IL1R2: variants seen among roughly 807,000 people sequenced by gnomAD.
IL1R2 encodes the protein interleukin 1 receptor type 2.
A neutral mutation model predicts 39.5 loss-of-function variants in IL1R2; 46 were observed. The observed-to-expected ratio is 1.16, with a 90% CI of 0.92 to 1.49. The LOEUF is 1.49. Among genes scored for constraint, IL1R2 ranks in the 40% most tolerant of loss-of-function variants. The pLI, the probability that IL1R2 is intolerant of heterozygous loss-of-function variation, is 0.00. For synonymous variants in IL1R2, 207 were observed against 189.6 expected, an observed-to-expected ratio of 1.09 and a Z score of -0.75; for missense variants, 537 against 502.0, an observed-to-expected ratio of 1.07 and a Z score of -0.67.
At chr2:102,013,732 C>T (rs1676813329) in intron 3 of IL1R2, among the ~76,000 whole-genome samples, 1 of 152,008 alleles carries the variant, frequency 6.6e-6, no homozygotes. Flanking sequence ...CAGTTAGGGA[C>T]TTAGGCTGAA....
At chr2:102,019,022 T>C (rs528444544) in intron 4 of IL1R2, among the ~76,000 whole-genome samples, 1 of 152,346 alleles carries the variant, frequency 6.6e-6, no homozygotes, top group African/African-American at 2.4e-5. Context: ...GAACATTGTG[T>C]GCTCATTAGG....
In IL1R2 at chr2:102,016,117, G is replaced by A; in HGVS notation, c.513+66G>A. On this transcript the variant is annotated intron_variant, in intron 4 of 8. Coordinates refer to ENST00000332549, the MANE Select transcript of IL1R2 (RefSeq NM_004633.4). ...CTTTTTTTACTAGCCATAAAAGAAA[G>A]ACTTAAAATATCGATTTTCTGAAGA... 3 of 1,295,270 alleles carry A rather than the reference G, an allele frequency of 2.3e-6. No individual in the cohort carries two copies. In the South Asian group the frequency reaches 3.9e-5, roughly 17 times the overall value. The allele number at this position is 1,295,270 out of a possible 1,614,324, so 80.2% of individuals were successfully genotyped here. A position where few individuals can be genotyped will look rare whatever the true frequency, so the allele number is the denominator to read the frequency against.
In IL1R2 at chr2:102,024,549, C is replaced by T. The variant is rs1340192771; in HGVS notation, c.768C>T (p.Ile256=). Residue 256 remains isoleucine (I), a synonymous_variant, in exon 7 of 9, where the codon ATC becomes ATT. Coordinates refer to ENST00000332549, the MANE Select transcript of IL1R2 (RefSeq NM_004633.4). ...ISASLGSRLT[I]PCKVFLGTGT... ...CATCCACAGGGTCAAGACTGACAATCCCGTGTAAGGTGTTTCTGGGAACCG... is the reference window on the plus strand; with the variant it reads ...CATCCACAGGGTCAAGACTGACAATTCCGTGTAAGGTGTTTCTGGGAACCG... The T allele has an allele frequency of 1.9e-6, 3 of 1,613,886 alleles. No individual in the cohort carries two copies. The highest frequency in any genetic ancestry group is 2.7e-5 in the African/African-American group (2 of 74,894).
intron 1 of IL1R2, among the ~76,000 whole-genome samples, chr2:101,997,098 C>T (rs1008446811): frequency 1.3e-5 from 2 of 152,168 alleles, no homozygotes; most frequent in African/African-American, 4.8e-5. Context: ...GGCAGCTGAT[C>T]CACACGTGCT....
At chr2:102,025,782 G>T (rs768604258) in intron 7 of IL1R2, among the ~76,000 whole-genome samples, 1 of 152,100 alleles carries the variant, frequency 6.6e-6, no homozygotes, top group Non-Finnish European at 1.5e-5. Flanking sequence ...CAAACTAGAC[G>T]TTTCTGTTCC....
At chr2:101,994,664 G>C (rs1002259216) in intron 1 of IL1R2, among the ~76,000 whole-genome samples, 6 of 152,216 alleles carry the variant, frequency 3.9e-5, no homozygotes, top group South Asian at 4.1e-4. Flanking sequence ...CCAAGCCTGT[G>C]GGGGAGCTAT....
chr2:101,994,518 G>A (rs1023294593), intron 1 of IL1R2, among the ~76,000 whole-genome samples: 7 of 152,208 alleles, frequency 4.6e-5, no homozygotes, highest in Non-Finnish European at 1.0e-4. Context: ...AAAATGCAGA[G>A]GGCTGAATGT....
intron 6 of IL1R2, among the ~76,000 whole-genome samples, chr2:102,024,321 C>A (rs1315787481): frequency 6.6e-6 from 1 of 152,126 alleles, no homozygotes; most frequent in Non-Finnish European, 1.5e-5. Flanking sequence ...TTTTTGCCTG[C>A]CATGAAGACC....
At chr2:101,994,953 C>A (rs145298233) in intron 1 of IL1R2, among the ~76,000 whole-genome samples, 160 of 152,320 alleles carry the variant, frequency 1.1e-3, no homozygotes, top group African/African-American at 3.3e-3. Flanking sequence ...AGAATGTTTT[C>A]TTAAATGTCT....
chr2:102,006,989 G>T (rs115731073), intron 1 of IL1R2, among the ~76,000 whole-genome samples: 1 of 152,340 alleles, frequency 6.6e-6, no homozygotes, highest in African/African-American at 2.4e-5. Context: ...CCATGGAGCA[G>T]ACTTGGACCC....
chr2:101,993,821 C>A (rs1038582960), intron 1 of IL1R2, among the ~76,000 whole-genome samples: 2 of 152,184 alleles, frequency 1.3e-5, no homozygotes, highest in Non-Finnish European at 2.9e-5. Context: ...TTGTCAAGAC[C>A]CTACATTGCC....
intron 8 of IL1R2, among the ~76,000 whole-genome samples, chr2:102,027,416 T>C (rs1677805334): frequency 1.3e-5 from 2 of 152,198 alleles, no homozygotes; most frequent in Admixed American, 6.5e-5. Flanking sequence ...ACATGAGCCT[T>C]GTCCCTGCAT....
intron 1 of IL1R2, among the ~76,000 whole-genome samples, chr2:102,002,376 C>T (rs2150422608): frequency 6.8e-6 from 1 of 147,962 alleles, no homozygotes; most frequent in Non-Finnish European, 1.5e-5. Flanking sequence ...GTGTGTATGT[C>T]TAAGTCTAGG....
rs111207470 is a variant in IL1R2, at chr2:102,002,732, A to G, written c.-61-5783A>G. Among the ~76,000 whole-genome samples, 1,003 of 151,376 alleles carry G rather than the reference A, an allele frequency of 6.6e-3. 12 individuals carry two copies. The highest frequency in any genetic ancestry group is 0.023 in the African/African-American group (950 of 40,900). ...TATGTCTATGTCTATGCCTATGCCT[A>G]TGTCTATGTCTATGTCTATATCTAT... On this transcript the variant is annotated intron_variant, in intron 1 of 8. Coordinates refer to ENST00000332549, the MANE Select transcript of IL1R2 (RefSeq NM_004633.4).
intron 1 of IL1R2, among the ~76,000 whole-genome samples, chr2:102,000,490 A>G (rs1365592794): frequency 1.3e-5 from 2 of 152,252 alleles, no homozygotes; most frequent in Admixed American, 1.3e-4. Flanking sequence ...GAATATGACT[A>G]ATAAATGAAG....
At chr2:102,020,091 G>T (rs1677275116) in intron 5 of IL1R2, among the ~76,000 whole-genome samples, 1 of 152,220 alleles carries the variant, frequency 6.6e-6, no homozygotes, top group South Asian at 2.1e-4. Flanking sequence ...GTCAAACAGT[G>T]GCTTCTGTAG....
intron 1 of IL1R2, 120 bp from the exon 2 acceptor site, chr2:102,008,395 A>G: frequency 1.6e-6 from 1 of 612,392 alleles, no homozygotes; most frequent in South Asian, 2.0e-5. Flanking sequence ...TCTTAAACAG[A>G]GTAGGCCAAA....
intron 3 of IL1R2, 109 bp from the exon 4 acceptor site, chr2:102,015,762 G>T: frequency 1.1e-6 from 1 of 886,658 alleles, no homozygotes; most frequent in Non-Finnish European, 1.7e-6. Flanking sequence ...TACTAATCCA[G>T]AAAATGCAGA....
intron 3 of IL1R2, among the ~76,000 whole-genome samples, chr2:102,014,947 AAATAATAATAAT>A (rs60026295): frequency 7.1e-6 from 1 of 141,510 alleles, no homozygotes; most frequent in Non-Finnish European, 1.5e-5. Flanking sequence ...TAGGCTAGTA[AAATAATAATAAT>A]AATAATAATA....
Sources: gnomAD v4.1 joint callset for allele counts (sites outside exome capture counted in the v4.1 genomes callset) on GRCh38, gnomAD v4.1.1 for gene constraint, MANE v1.5 for transcripts, NCBI Gene and HGNC (gene_info 2026-07-23, HGNC 2026-07-21) for gene names.